The following TNS3 variants were observed in gnomAD, a reference collection of about 807,000 sequenced individuals.
TNS3 encodes the protein tensin 3.
In TNS3, 45 loss-of-function variants were observed where a neutral mutation model predicts 140.9. The observed-to-expected ratio is 0.32, with a 90% CI of 0.25 to 0.41. The LOEUF (loss-of-function observed/expected upper bound fraction) is 0.41. Among genes scored for constraint, TNS3 ranks in the 10% least tolerant of loss-of-function variants. The pLI, the probability that TNS3 is intolerant of heterozygous loss-of-function variation, is 1.00. For synonymous variants in TNS3, 815 were observed against 788.4 expected (o/e 1.03, Z -0.56); for missense variants, 1,716 against 1,906.7 (o/e 0.90, Z 1.86).
intron 20 of TNS3, among the ~76,000 whole-genome samples, chr7:47,323,100 C>T (rs1245658404): frequency 2.0e-5 from 3 of 152,206 alleles, no homozygotes; most frequent in Admixed American, 1.3e-4. Flanking sequence ...AGGTACCGCT[C>T]CTCGAGGCCT....
intron 2 of TNS3, among the ~76,000 whole-genome samples, chr7:47,523,162 G>A (rs775677920): frequency 1.2e-4 from 19 of 152,192 alleles, no homozygotes; most frequent in Non-Finnish European, 2.8e-4. Flanking sequence ...CCTCCTTACT[G>A]CATCCTCACA....
At chr7:47,475,117 TACAC>T (rs972034460) in intron 4 of TNS3, among the ~76,000 whole-genome samples, 18 of 145,724 alleles carry the variant, frequency 1.2e-4, no homozygotes, top group African/African-American at 4.3e-4. Context: ...AAACACAACA[TACAC>T]ACACAAAACA....
At chr7:47,352,462 C>T (rs1374451386) in intron 17 of TNS3, among the ~76,000 whole-genome samples, 2 of 152,182 alleles carry the variant, frequency 1.3e-5, no homozygotes, top group Non-Finnish European at 2.9e-5. Context: ...ACGGATGGTC[C>T]GTGATGGTGG....
At chr7:47,366,611 C>T (rs939015251) in intron 17 of TNS3, among the ~76,000 whole-genome samples, 3 of 152,202 alleles carry the variant, frequency 2.0e-5, no homozygotes, top group African/African-American at 7.2e-5. Context: ...CTCCTTCGCC[C>T]AGGCCACCCC....
At chr7:47,381,615 G>A (rs1485352918) in intron 16 of TNS3, among the ~76,000 whole-genome samples, 2 of 152,176 alleles carry the variant, frequency 1.3e-5, no homozygotes, top group African/African-American at 2.4e-5. Flanking sequence ...GGGGAGACAG[G>A]ACATACCTGG....
At chr7:47,353,992 A>AACACACACACACACAC (rs10598998) in intron 17 of TNS3, among the ~76,000 whole-genome samples, 1 of 143,398 alleles carries the variant, frequency 7.0e-6, no homozygotes, top group African/African-American at 2.6e-5. Context: ...CAGAGGACAA[A>AACACACACACACACAC]ACACACACAC....
chr7:47,534,299 T>C (rs1225846972), intron 1 of TNS3, among the ~76,000 whole-genome samples: 3 of 151,596 alleles, frequency 2.0e-5, no homozygotes, highest in Non-Finnish European at 1.5e-5. Context: ...ATAAATAAAG[T>C]AGGGGAAAGA....
chr7:47,315,382 G>C (rs1787338257), intron 20 of TNS3, among the ~76,000 whole-genome samples: 1 of 152,214 alleles, frequency 6.6e-6, no homozygotes, highest in Admixed American at 6.5e-5. Flanking sequence ...CTAGAACTTG[G>C]GAGGCGCGTG....
At chr7:47,505,131 T>TA (rs1798367429) in intron 3 of TNS3, among the ~76,000 whole-genome samples, 1 of 152,200 alleles carries the variant, frequency 6.6e-6, no homozygotes, top group South Asian at 2.1e-4. Flanking sequence ...CCCCTCCTCC[T>TA]ACTCCGCAGC....
At position 47,275,275 on chromosome 7, in the gene TNS3, CA is replaced by C. The variant is rs1784826536; in HGVS notation, c.*2800del. ...ATACTGGATATATTCTTTACAGTAT[CA>C]GAAAAGTAAAAATATGCACTAACAA... is the stretch of plus-strand genomic sequence containing the variant. On this transcript the variant is annotated 3_prime_UTR_variant, in exon 31 of 31. Coordinates refer to ENST00000311160, the MANE Select transcript of TNS3 (RefSeq NM_022748.12). 1 of 152,592 alleles carries C rather than the reference CA, an allele frequency of 6.6e-6. No homozygotes were observed. The highest frequency in any genetic ancestry group is 1.5e-5 in the Non-Finnish European group (1 of 68,062). The allele number at this position is 152,592 out of a possible 1,614,324, so 9.5% of individuals were successfully genotyped here.
intron 4 of TNS3, among the ~76,000 whole-genome samples, chr7:47,479,207 C>T (rs1797319309): frequency 6.6e-6 from 1 of 152,232 alleles, no homozygotes; most frequent in African/African-American, 2.4e-5. Context: ...TCTTTAGAGC[C>T]AGCACACAGC....
intron 20 of TNS3, among the ~76,000 whole-genome samples, chr7:47,337,946 T>C (rs1426698138): frequency 6.6e-6 from 1 of 152,252 alleles, no homozygotes; most frequent in African/African-American, 2.4e-5. Flanking sequence ...AAGTGTGACA[T>C]ATATGGAATC....
At chr7:47,318,640 C>T (rs913806741) in intron 20 of TNS3, among the ~76,000 whole-genome samples, 1 of 152,094 alleles carries the variant, frequency 6.6e-6, no homozygotes, top group Non-Finnish European at 1.5e-5. Context: ...AAACAAAAAC[C>T]CACAAACAGA....
chr7:47,579,624 G>A (rs1319844683), intron 1 of TNS3: 1 of 153,960 alleles, frequency 6.5e-6, no homozygotes, highest in Non-Finnish European at 1.4e-5. Flanking sequence ...GGAACAAGAG[G>A]CTTCCCCTGA....
chr7:47,453,119 G>A, intron 4 of TNS3: 1 of 985,782 alleles, frequency 1.0e-6, no homozygotes. Context: ...TGGTGAGTGT[G>A]GGAGTCCCCA....
intron 16 of TNS3, among the ~76,000 whole-genome samples, chr7:47,370,638 GCC>G (rs1464060440): frequency 2.6e-5 from 4 of 152,252 alleles, no homozygotes; most frequent in African/African-American, 9.6e-5. Context: ...CTTACCAAGA[GCC>G]TCCTAAAATA....
chr7:47,498,345 C>T (rs1231819374), intron 3 of TNS3, among the ~76,000 whole-genome samples: 2 of 152,190 alleles, frequency 1.3e-5, no homozygotes, highest in Non-Finnish European at 2.9e-5. Context: ...GCCTGAGCCA[C>T]GTGCAGGATG....
At chr7:47,531,033 G>A (rs1009371255) in intron 1 of TNS3, among the ~76,000 whole-genome samples, 1 of 151,436 alleles carries the variant, frequency 6.6e-6, no homozygotes, top group African/African-American at 2.4e-5. Context: ...AAATATAAGT[G>A]AGAAGACAGC....
chr7:47,324,849 C>A (rs1417051165), intron 20 of TNS3, among the ~76,000 whole-genome samples: 2 of 152,146 alleles, frequency 1.3e-5, no homozygotes, highest in Non-Finnish European at 2.9e-5. Context: ...AAAATAGTGT[C>A]TTTTTAAATA....
Sources: gnomAD v4.1 joint callset for allele counts (sites outside exome capture counted in the v4.1 genomes callset) on GRCh38, gnomAD v4.1.1 for gene constraint, MANE v1.5 for transcripts, NCBI Gene and HGNC (gene_info 2026-07-23, HGNC 2026-07-21) for gene names.